PELP1: variants seen among roughly 807,000 people sequenced by gnomAD.
PELP1 encodes the protein proline-, glutamic acid- and leucine-rich protein 1.
In PELP1, 32 loss-of-function variants were observed where a neutral mutation model predicts 95.5. The observed-to-expected ratio is 0.34, with a 90% CI of 0.25 to 0.45. The LOEUF is 0.45. PELP1 is among the 20% of genes least tolerant of loss of function. The pLI is 1.00. For synonymous variants in PELP1, 668 were observed against 600.1 expected, an observed-to-expected ratio of 1.11 and a Z score of -1.65; for missense variants, 1,358 against 1,444.8, an observed-to-expected ratio of 0.94 and a Z score of 0.97.
chr17:4,692,446 A>G (rs1039489592), intron 1 of PELP1, among the ~76,000 whole-genome samples: 72 of 142,944 alleles, frequency 5.0e-4, no homozygotes, highest in Admixed American at 2.3e-3. Context: ...CAGCCTGGGC[A>G]ACAGAGCGAG....
intron 5 of PELP1, 64 bp downstream of exon 5, chr17:4,682,438 A>G: frequency 9.6e-7 from 1 of 1,041,668 alleles, no homozygotes; most frequent in Non-Finnish European, 1.5e-6. Context: ...ATCTCAGGAC[A>G]GGAATCTGAG....
In PELP1 at chr17:4,672,180, T is replaced by C. The variant is rs1402914309; in HGVS notation, c.2811A>G (p.Glu937=). 1 of 1,552,050 alleles carries C rather than the reference T, an allele frequency of 6.4e-7. No homozygotes were observed. Among genetic ancestry groups the C allele is most frequent in the Non-Finnish European group, 8.7e-7 (1 of 1,147,204 alleles). The change falls in exon 16 of 17, where the codon GAA becomes GAG. Residue 937 remains glutamate, a synonymous_variant. Transcript: ENST00000572293. ...EEEEFEEEFE[E]EEGELEEEEE... ...CTTCTTCCTCTAACTCACCTTCTTC[T>C]TCCTCAAATTCTTCCTCAAACTCTT...
rs757690415 is a variant in PELP1 at position 4,675,539 on chromosome 17, T to TAAG, written c.1069-180_1069-178dup. 3.6e-4 allele frequency: 256 copies of TAAG among 709,634 alleles called. 1 individual carries two copies. The highest frequency in any genetic ancestry group is 6.1e-4 in the Non-Finnish European group (238 of 391,254). 44.0% of individuals were successfully genotyped at this position (709,634 alleles called of 1,614,324 possible). On this transcript the variant is annotated intron_variant, in intron 9 of 16. Transcript: ENST00000572293. The surrounding 1 kb of genome is among the most constrained non-coding windows in gnomAD (Gnocchi z 4.3). ...TCTAAAATAGACCCTGGATGGAAGG[T>TAAG]AAGAAGGATGGCTGGGCCTCTCAGC... is the stretch of plus-strand genomic sequence containing the variant.
Position 4,675,950 on chromosome 17 carries a change from T to C in PELP1, c.981-66A>G. ...CCTGGCATAACTCCCACACCCACCT[T>C]CATCTCCTTTCTCCTGATGAAGGCG... On this transcript the variant is annotated intron_variant, in intron 8 of 16. Coordinates refer to ENST00000572293, the MANE Select transcript of PELP1 (RefSeq NM_014389.3). The surrounding 1 kb of genome is among the most constrained non-coding windows in gnomAD (Gnocchi z 4.3). 6.3e-7 allele frequency: 1 copy of C among 1,591,652 alleles called. No homozygotes were observed. Among genetic ancestry groups the C allele is most frequent in the Admixed American group, 1.7e-5 (1 of 58,050 alleles).
intron 1 of PELP1, among the ~76,000 whole-genome samples, chr17:4,694,986 C>A (rs115538229): frequency 2.5e-4 from 37 of 149,166 alleles, no homozygotes; most frequent in African/African-American, 8.9e-4. Flanking sequence ...CAAGATTGCA[C>A]CACTGTACTC....
chr17:4,674,120 G>A lies in PELP1; in HGVS notation c.1582+390C>T, dbSNP rs368664841. On this transcript the variant is annotated intron_variant, in intron 13 of 16. Coordinates refer to ENST00000572293, the MANE Select transcript of PELP1 (RefSeq NM_014389.3). ...AGCTTCACAGGGAGGAGCCTTCCCCGCATGCTGGAACTCTGCCTGATAGAA... is the reference window on the plus strand; with the variant it reads ...AGCTTCACAGGGAGGAGCCTTCCCCACATGCTGGAACTCTGCCTGATAGAA... Among the ~76,000 whole-genome samples, 69 of 152,298 alleles carry A rather than the reference G, an allele frequency of 4.5e-4. 1 individual carries two copies. Among genetic ancestry groups the A allele is most frequent in the African/African-American group, 1.4e-3 (60 of 41,562 alleles).
rs763233266 is a variant in PELP1, at chr17:4,703,921, G to A, written c.191C>T (p.Pro64Leu). 1.7e-5 allele frequency: 27 copies of A among 1,613,450 alleles called. No individual in the cohort carries two copies. The East Asian group carries it at 5.8e-4, about 35-fold the overall frequency. The change falls in exon 1 of 17, where the codon CCA (proline) becomes CTA (leucine). Residue 64 changes from proline to leucine, a missense_variant. Physicochemically the swap from Pro to Leu is moderately conservative, Grantham distance 98. This residue lies in a region of PELP1 where 169 missense variants were observed against 134.9 expected (regional missense o/e 1.25). Transcript: ENST00000572293. ...TAGGCACATGAGCCCGGGCAAATGT[G>A]GGGCCGAGCGGTTTGGGGGATGCAC... ...APVHPPNRSA[P>L]HLPGLMCLLR...
rs1379846661 is a variant in PELP1, at chr17:4,676,947, AT to A, written c.643-136del. Reference sequence around the variant, plus strand: ...GTAGACACAAGAAGCAAAGCCCTCTATGGGGCATCAACACCGGGCACGGACA... The same window carrying A: ...GTAGACACAAGAAGCAAAGCCCTCTAGGGGCATCAACACCGGGCACGGACA... On this transcript the variant is annotated intron_variant, in intron 5 of 16. Transcript: ENST00000572293. The A allele has an allele frequency of 5.1e-5, 33 of 652,558 alleles. No individual in the cohort carries two copies. In the East Asian group the frequency reaches 8.0e-4, roughly 16 times the overall value. The allele number at this position is 652,558 out of a possible 1,614,324, so 40.4% of individuals were successfully genotyped here.
chr17:4,683,263 C>T (rs1234677406), intron 3 of PELP1, among the ~76,000 whole-genome samples: 2 of 148,702 alleles, frequency 1.3e-5, no homozygotes, highest in Non-Finnish European at 3.0e-5. Context: ...CTCTGTCACC[C>T]AGGCTGGAGT....
chr17:4,672,727 G>C lies in PELP1; in HGVS notation c.2264C>G (p.Thr755Ser), dbSNP rs773341713. 23 of 1,613,356 alleles carry C rather than the reference G, an allele frequency of 1.4e-5. No homozygotes were observed. In the Admixed American group the frequency reaches 3.7e-4, roughly 26 times the overall value. Residue 755 changes from threonine (T) to serine (S), a missense_variant, in exon 16 of 17, where the codon ACT becomes AGT. Physicochemically the swap from Thr to Ser is moderately conservative, Grantham distance 58. Around this residue, in one of 7 missense-constraint regions of PELP1, gnomAD observed 340 missense variants for 322.9 expected, o/e 1.05. Coordinates refer to ENST00000572293, the MANE Select transcript of PELP1 (RefSeq NM_014389.3). ...TPPPTIPPDETFGGRVPRPAF... is the reference protein window; with the variant it reads ...TPPPTIPPDESFGGRVPRPAF... ...TGGTCTGGGCACTCTCCCCCCAAAA[G>C]TTTCATCTGGGGGTATAGTAGGTGG...
intron 5 of PELP1, among the ~76,000 whole-genome samples, chr17:4,680,910 C>G (rs1030250033): frequency 3.3e-5 from 5 of 152,300 alleles, no homozygotes; most frequent in Middle Eastern, 6.8e-3. Flanking sequence ...AATTTGTAAA[C>G]CATTCATGTT....
In PELP1 at chr17:4,671,324, C is replaced by G; in HGVS notation, c.*115G>C. 1.4e-6 allele frequency: 1 copy of G among 689,786 alleles called. No individual in the cohort carries two copies. Among genetic ancestry groups the G allele is most frequent in the Non-Finnish European group, 2.7e-6 (1 of 377,028 alleles). The allele number at this position is 689,786 out of a possible 1,614,324, so 42.7% of individuals were successfully genotyped here. On this transcript the variant is annotated 3_prime_UTR_variant, in exon 17 of 17. Coordinates refer to ENST00000572293, the MANE Select transcript of PELP1 (RefSeq NM_014389.3). ...GAATACTATGGACACCCTGAAAAGC[C>G]CAGCAGACACTTGAGCTTCTGGCTG...
At position 4,671,606 on chromosome 17, in the gene PELP1, C is replaced by A. The variant is rs191218141; in HGVS notation, c.3301-75G>T. The A allele has an allele frequency of 3.7e-6, 6 of 1,605,844 alleles. No individual in the cohort carries two copies. In the Admixed American group the frequency reaches 1.0e-4, roughly 28 times the overall value. ...AGAAGAATGGTTCAGGCTGGGCAAA[C>A]CTCTCCTAAGAGAAGCAGCTGCCAC... On this transcript the variant is annotated intron_variant, in intron 16 of 16. Coordinates refer to ENST00000572293, the MANE Select transcript of PELP1 (RefSeq NM_014389.3).
chr17:4,703,747 C>T, intron 1 of PELP1, 116 bp downstream of exon 1: 2 of 846,398 alleles, frequency 2.4e-6, no homozygotes, highest in South Asian at 3.6e-5. Context: ...CCCTTTCTGC[C>T]CGCAGCTCTC....
rs1567661015 is a variant in PELP1 at position 4,674,596 on chromosome 17, AGC to A, written c.1494_1495del (p.Lys498AsnfsTer17). 6.2e-7 allele frequency: 1 copy of A among 1,609,178 alleles called. No homozygotes were observed. Among genetic ancestry groups the A allele is most frequent in the Non-Finnish European group, 8.5e-7 (1 of 1,178,530 alleles). On this transcript the variant is annotated frameshift_variant, in exon 13 of 17. Transcript: ENST00000572293. LOFTEE classifies it high-confidence loss of function. ...CGGGGCCATAGCTTCCCCCACATCC[AGC>A]TTTAGCTTCTTGGGGGCGCTAGGCT...
intron 3 of PELP1, among the ~76,000 whole-genome samples, chr17:4,688,656 C>G (rs1443758153): frequency 6.6e-6 from 1 of 152,136 alleles, no homozygotes; most frequent in Non-Finnish European, 1.5e-5. Flanking sequence ...TGAAAGACCT[C>G]TATAAGGAAA....
At chr17:4,688,441 C>T (rs753902451) in intron 3 of PELP1, among the ~76,000 whole-genome samples, 1 of 151,904 alleles carries the variant, frequency 6.6e-6, no homozygotes, top group Non-Finnish European at 1.5e-5. Context: ...ATACCTAGAA[C>T]ACCCTAAAGA....
At chr17:4,692,260 G>T (rs1913134503) in intron 1 of PELP1, among the ~76,000 whole-genome samples, 1 of 152,106 alleles carries the variant, frequency 6.6e-6, no homozygotes, top group Admixed American at 6.5e-5. Flanking sequence ...GAGGTCAGGA[G>T]ATCGAGACCA....
Position 4,682,816 on chromosome 17 carries a change from C to A in PELP1, c.557G>T (p.Gly186Val). The A allele has an allele frequency of 1.3e-6, 2 of 1,584,862 alleles. No homozygotes were observed. The highest frequency in any genetic ancestry group is 8.6e-7 in the Non-Finnish European group (1 of 1,167,520). The change falls in exon 4 of 17, where the codon GGC (glycine) becomes GTC (valine). Residue 186 changes from glycine to valine, a missense_variant. Gly to Val is a moderately radical substitution (Grantham distance 109, BLOSUM62 -3). This residue lies in a region of PELP1 where 538 missense variants were observed against 628.1 expected (regional missense o/e 0.86). Transcript: ENST00000572293. ...HLPGLLTSLL[G>V]LRPECEQSAL... is the part of the protein sequence containing the mutation. Reference sequence around the variant, plus strand: ...GAGACATCTCACCTCTGGCCTGAGGCCCAGCAGGGAGGTGAGAAGGCCAGG... The same window carrying A: ...GAGACATCTCACCTCTGGCCTGAGGACCAGCAGGGAGGTGAGAAGGCCAGG...
Sources: gnomAD v4.1 joint callset for allele counts (sites outside exome capture counted in the v4.1 genomes callset) on GRCh38, gnomAD v4.1.1 for gene constraint, gnomAD v4.1.1 regional missense constraint, Gnocchi (gnomAD v3.1) non-coding constraint, MANE v1.5 for transcripts, NCBI Gene and HGNC (gene_info 2026-07-23, HGNC 2026-07-21) for gene names.